FAT2: variants seen among roughly 807,000 people sequenced by gnomAD.
The protein encoded by FAT2 is protocadherin Fat 2.
In FAT2, 150 loss-of-function variants were observed where a neutral mutation model predicts 295.3. The observed-to-expected ratio is 0.51, with a 90% confidence interval of 0.44 to 0.58. The LOEUF (loss-of-function observed/expected upper bound fraction) is 0.58, where lower values mean the gene tolerates loss of function less well. FAT2 is among the 20% of genes least tolerant of loss of function. FAT2 has a pLI of 0.00. For missense variants in FAT2, 4,868 were observed against 5,442.7 expected (o/e 0.89, Z 3.32); for synonymous variants, 2,026 against 2,150.3 (o/e 0.94, Z 1.60).
At position 151,545,047 on chromosome 5, in the gene FAT2, G is replaced by T; in HGVS notation, c.6080C>A (p.Ala2027Glu). Residue 2027 changes from alanine (A) to glutamate (E), a missense_variant, in exon 10 of 24, where the codon GCG becomes GAG. Ala to Glu is a moderately radical substitution (Grantham distance 107). Coordinates refer to ENST00000261800, the MANE Select transcript of FAT2 (RefSeq NM_001447.3). ...SAGVLQTRGV[A>E]FDREQQDTHE... is the part of the protein sequence containing the mutation. ...AGTGTCCTGCTGCTCCCGGTCAAACGCCACACCTCTTGTCTGCAACACACC... is the reference window on the plus strand; with the variant it reads ...AGTGTCCTGCTGCTCCCGGTCAAACTCCACACCTCTTGTCTGCAACACACC... The T allele has an allele frequency of 6.2e-7, 1 of 1,614,046 alleles. No individual in the cohort carries two copies. Among genetic ancestry groups the T allele is most frequent in the Non-Finnish European group, 8.5e-7 (1 of 1,180,010 alleles).
At chr5:151,569,343 G>A (rs1450561940) in intron 1 of FAT2, among the ~76,000 whole-genome samples, 2 of 152,218 alleles carry the variant, frequency 1.3e-5, no homozygotes, top group Admixed American at 1.3e-4. Flanking sequence ...GCAAGAGCGC[G>A]TAGGCAGGGG....
Position 151,544,551 on chromosome 5 carries a change from G to C in FAT2, c.6576C>G (p.His2192Gln). 1 of 1,614,070 alleles carries C rather than the reference G, an allele frequency of 6.2e-7. No individual in the cohort carries two copies. Among genetic ancestry groups the C allele is most frequent in the Non-Finnish European group, 8.5e-7 (1 of 1,179,956 alleles). The change falls in exon 10 of 24, where the codon CAC becomes CAG. Residue 2192 changes from histidine to glutamine, a missense_variant. Transcript: ENST00000261800. The stretch of plus-strand genomic sequence containing the variant: ...GTCCCTCTGGACTCCGGGCCTGGGT[G>C]TGGAGAATTGGGGTATAGAGGGTGA... ...ENITLYTPIL[H>Q]TQARSPEGLR... is the part of the protein sequence containing the mutation.
At position 151,507,453 on chromosome 5, in the gene FAT2, C is replaced by T. The variant is rs749389986; in HGVS notation, c.12218G>A (p.Cys4073Tyr). 1 of 1,614,162 alleles carries T rather than the reference C, an allele frequency of 6.2e-7. No homozygotes were observed. The highest frequency in any genetic ancestry group is 8.5e-7 in the Non-Finnish European group (1 of 1,180,026). Reference protein sequence around the residue: ...TVGLLFYCRRCKSHKPVAMED... With the variant: ...TVGLLFYCRRYKSHKPVAMED... ...CATGGCCACAGGCTTGTGAGACTTG[C>T]AACGGCGGCAGTAGAAGAGAAGCCC... The change falls in exon 23 of 24, where the codon TGC (cysteine) becomes TAC (tyrosine). Residue 4073 changes from cysteine to tyrosine, a missense_variant. Physicochemically the swap from Cys to Tyr is radical, Grantham distance 194. Transcript: ENST00000261800.
intron 1 of FAT2, among the ~76,000 whole-genome samples, chr5:151,590,026 A>T (rs1455544984): frequency 6.6e-6 from 1 of 152,218 alleles, no homozygotes; most frequent in Non-Finnish European, 1.5e-5. Context: ...AGTCACAGAG[A>T]CATGATTAAT....
In FAT2 at chr5:151,566,489, C is replaced by T. The variant is rs1009451282; in HGVS notation, c.2443G>A (p.Asp815Asn). ...LLTVNVKDWN[D>N]NAPRFPPGGY... is the part of the protein sequence containing the mutation. ...CCGGGAGGAAATCTGGGTGCGTTGT[C>T]ATTCCAGTCTTTCACATTCACTGTC... The change falls in exon 2 of 24, where the codon GAC becomes AAC. Residue 815 changes from aspartate (D) to asparagine (N), a missense_variant. Asp to Asn is a conservative substitution (Grantham distance 23). This residue lies in a region of FAT2 where 3,297 missense variants were observed against 3,669.4 expected (regional missense o/e 0.90). Coordinates refer to ENST00000261800, the MANE Select transcript of FAT2 (RefSeq NM_001447.3). 12 of 1,613,794 alleles carry T rather than the reference C, an allele frequency of 7.4e-6. No individual in the cohort carries two copies. Among genetic ancestry groups the T allele is most frequent in the Non-Finnish European group, 6.8e-6 (8 of 1,179,950 alleles).
intron 8 of FAT2, 39 bp from the exon 9 acceptor site, chr5:151,549,544 G>A (rs2127619934): frequency 1.3e-6 from 2 of 1,578,574 alleles, no homozygotes; most frequent in Non-Finnish European, 1.7e-6. Flanking sequence ...AGCAGCAAAT[G>A]GAATAGGAGG....
In FAT2 at chr5:151,531,774, C is replaced by G. The variant is rs1313982416; in HGVS notation, c.9624G>C (p.Val3208=). 2.5e-6 allele frequency: 4 copies of G among 1,612,474 alleles called. No individual in the cohort carries two copies. Among genetic ancestry groups the G allele is most frequent in the Non-Finnish European group, 3.4e-6 (4 of 1,180,024 alleles). The change falls in exon 14 of 24, where the codon GTG becomes GTC. Residue 3208 remains valine, a synonymous_variant. Transcript: ENST00000261800. The surrounding 1 kb of genome is among the most constrained non-coding windows in gnomAD (Gnocchi z 5.7). ...LSTLGTVTVS[V]VGLEDYLPVF... ...CGGGCAGGTAGTCTTCTAGGCCCAC[C>G]ACCGAGACTGTGACGGTGCCCAGCG...
rs2127561831 is a variant in FAT2 at position 151,505,320 on chromosome 5, C to G, written c.*245G>C. 1 of 562,326 alleles carries G rather than the reference C, an allele frequency of 1.8e-6. No homozygotes were observed. The highest frequency in any genetic ancestry group is 4.7e-4 in the Middle Eastern group (1 of 2,142). The allele number at this position is 562,326 out of a possible 1,614,324, so 34.8% of individuals were successfully genotyped here. A position where few individuals can be genotyped will look rare whatever the true frequency, so the allele number is the denominator to read the frequency against. On this transcript the variant is annotated 3_prime_UTR_variant, in exon 24 of 24. Transcript: ENST00000261800. ...TCAATTGTTCCTGGTTTTCCAGGGT[C>G]ACTGCTCTAGAAATGCCCCTCTCCT... is the stretch of plus-strand genomic sequence containing the variant.
rs1756384745 is a variant in FAT2, at chr5:151,543,835, C to T, written c.7292G>A (p.Ser2431Asn). ...GNQDRHFFIN[S>N]SSGIISMFNL... is the part of the protein sequence containing the mutation. ...GAACATAGAAATTATTCCCGATGAG[C>T]TGTTAATGAAGAAGTGCCTGTCCTG... Residue 2431 changes from serine (S) to asparagine (N), a missense_variant, in exon 10 of 24, where the codon AGC becomes AAC. By Grantham distance (46) the Ser-to-Asn change is conservative (BLOSUM62 1). Around this residue, in one of 5 missense-constraint regions of FAT2, gnomAD observed 3,297 missense variants for 3,669.4 expected, o/e 0.90. Coordinates refer to ENST00000261800, the MANE Select transcript of FAT2 (RefSeq NM_001447.3). 6.2e-7 allele frequency: 1 copy of T among 1,613,964 alleles called. No homozygotes were observed. The highest frequency in any genetic ancestry group is 8.5e-7 in the Non-Finnish European group (1 of 1,180,016).
chr5:151,573,745 G>A (rs1561882754), intron 1 of FAT2, among the ~76,000 whole-genome samples: 2 of 152,200 alleles, frequency 1.3e-5, no homozygotes, highest in African/African-American at 2.4e-5. Context: ...ACTTAGTGCT[G>A]TAGGGCTTTA....
At chr5:151,530,185 A>T (rs1754434547) in intron 14 of FAT2, among the ~76,000 whole-genome samples, 1 of 152,240 alleles carries the variant, frequency 6.6e-6, no homozygotes, top group African/African-American at 2.4e-5. Context: ...CCCAAATTAT[A>T]ACTATATATT....
chr5:151,530,419 A>G (rs928598250), intron 14 of FAT2, among the ~76,000 whole-genome samples: 5 of 152,244 alleles, frequency 3.3e-5, no homozygotes, highest in Admixed American at 6.5e-5. Context: ...GGGATATGCT[A>G]TATGACACTA....
chr5:151,576,836 G>A (rs934878250), intron 1 of FAT2, among the ~76,000 whole-genome samples: 2 of 152,096 alleles, frequency 1.3e-5, no homozygotes, highest in Non-Finnish European at 2.9e-5. Flanking sequence ...AAACATCATG[G>A]AGTGCACTTA....
Position 151,513,387 on chromosome 5 carries a change from G to A in FAT2, c.11464-781C>T, listed in dbSNP as rs534374919. Among the ~76,000 whole-genome samples the A allele has an allele frequency of 7.2e-5, 11 of 152,288 alleles. No individual in the cohort carries two copies. In the South Asian group the frequency reaches 2.3e-3, roughly 32 times the overall value. ...GGCTGGATAAAGAAAATATGGTACA[G>A]ATACACCATGGACAACCATTCAGCC... On this transcript the variant is annotated intron_variant, in intron 20 of 23. Transcript: ENST00000261800.
In FAT2 at chr5:151,531,115, C is replaced by G. The variant is rs1339467114; in HGVS notation, c.9811+472G>C. On this transcript the variant is annotated intron_variant, in intron 14 of 23. Transcript: ENST00000261800. The surrounding 1 kb of genome is among the most constrained non-coding windows in gnomAD (Gnocchi z 5.7). Reference sequence around the variant, plus strand: ...AAGTGAGACGGTTTCCTAGTTCTCTCTCTCTTCAAGAGAATAAGGGAAAAT... The same window carrying G: ...AAGTGAGACGGTTTCCTAGTTCTCTGTCTCTTCAAGAGAATAAGGGAAAAT... Among the ~76,000 whole-genome samples the G allele has an allele frequency of 6.6e-6, 1 of 152,130 alleles. No homozygotes were observed. Among genetic ancestry groups the G allele is most frequent in the African/African-American group, 2.4e-5 (1 of 41,428 alleles).
At chr5:151,547,592 G>A (rs1756762954) in intron 9 of FAT2, among the ~76,000 whole-genome samples, 1 of 152,212 alleles carries the variant, frequency 6.6e-6, no homozygotes, top group African/African-American at 2.4e-5. Flanking sequence ...CACCTTTGAA[G>A]CCCTTCTCCA....
In FAT2 at chr5:151,505,623, T is replaced by C. The variant is rs1760776918; in HGVS notation, c.12992A>G (p.Tyr4331Cys). 1 of 1,614,128 alleles carries C rather than the reference T, an allele frequency of 6.2e-7. No homozygotes were observed. Among genetic ancestry groups the C allele is most frequent in the Non-Finnish European group, 8.5e-7 (1 of 1,180,010 alleles). Residue 4331 changes from tyrosine (Y) to cysteine (C), a missense_variant, in exon 24 of 24, where the codon TAT becomes TGT. Transcript: ENST00000261800. ...GQGQPRVPPN[Y>C]EGSDMVESDY... ...ACTCTCCACCATGTCAGAGCCCTCA[T>C]AGTTGGGGGGCACCCGGGGCTGGCC...
At chr5:151,517,471 T>C (rs1164402105) in intron 20 of FAT2, 149 bp downstream of exon 20, 3 of 958,240 alleles carry the variant, frequency 3.1e-6, no homozygotes, top group Non-Finnish European at 4.7e-6. Flanking sequence ...AGGATAATCA[T>C]GTGGCCCAAC....
chr5:151,531,911 C>A lies in FAT2; in HGVS notation c.9487G>T (p.Asp3163Tyr), dbSNP rs141162743. Residue 3163 changes from aspartate to tyrosine, a missense_variant, in exon 14 of 24, where the codon GAC becomes TAC. By Grantham distance (160) the Asp-to-Tyr change is radical. Transcript: ENST00000261800. The surrounding 1 kb of genome is among the most constrained non-coding windows in gnomAD (Gnocchi z 5.7). Reference sequence around the variant, plus strand: ...AGGCGGATCACCCCCGTGGTGGCGTCGATGGAAAAGTGGCCTTCGGCTGAA... The same window carrying A: ...AGGCGGATCACCCCCGTGGTGGCGTAGATGGAAAAGTGGCCTTCGGCTGAA... ...PDSAEGHFSIDATTGVIRLEK... is the reference protein window; with the variant it reads ...PDSAEGHFSIYATTGVIRLEK... The A allele has an allele frequency of 6.2e-7, 1 of 1,614,210 alleles. No individual in the cohort carries two copies. Among genetic ancestry groups the A allele is most frequent in the East Asian group, 2.2e-5 (1 of 44,888 alleles).
Sources: gnomAD v4.1 joint callset for allele counts (sites outside exome capture counted in the v4.1 genomes callset) on GRCh38, gnomAD v4.1.1 for gene constraint, gnomAD v4.1.1 regional missense constraint, Gnocchi (gnomAD v3.1) non-coding constraint, MANE v1.5 for transcripts, NCBI Gene and HGNC (gene_info 2026-07-23, HGNC 2026-07-21) for gene names.